TRPM5: variants seen among roughly 807,000 people sequenced by gnomAD.
The protein encoded by TRPM5 is transient receptor potential cation channel subfamily M member 5.
In TRPM5, 121 loss-of-function variants were observed where a neutral mutation model predicts 124.9. The ratio of observed to expected loss-of-function variants is 0.97; its 90% CI spans 0.84 to 1.13. TRPM5 has a LOEUF of 1.13. Among genes scored for constraint, TRPM5 ranks in the 50% most tolerant of loss-of-function variants. The probability of loss-of-function intolerance (pLI) is 0.00; values close to 1 mark genes in which losing one functional copy is unlikely to be tolerated. For synonymous variants in TRPM5, 781 were observed against 700.5 expected, an observed-to-expected ratio of 1.11 and a Z score of -1.81; for missense variants, 1,643 against 1,589.1, an observed-to-expected ratio of 1.03 and a Z score of -0.58.
At chr11:2,426,735 C>A (rs1845843462), upstream of TRPM5, among the ~76,000 whole-genome samples, 1 of 152,210 alleles carries the variant, frequency 6.6e-6, no homozygotes, top group Non-Finnish European at 1.5e-5. Flanking sequence ...CTCCCTGGGC[C>A]TGCCTCATTT....
the TRPM5 span, among the ~76,000 whole-genome samples, chr11:2,443,960 C>T: frequency 2.6e-5 from 4 of 152,270 alleles, no homozygotes; most frequent in East Asian, 1.9e-4. The surrounding 1 kb of genome is among the most constrained non-coding windows in gnomAD (Gnocchi z 5.0). Flanking sequence ...AGCGGCAGCG[C>T]GGTCTCGACG....
the TRPM5 span, among the ~76,000 whole-genome samples, chr11:2,436,039 G>A: frequency 6.6e-6 from 1 of 152,316 alleles, no homozygotes; most frequent in South Asian, 2.1e-4. Flanking sequence ...CACTATCCTC[G>A]AGGCCAGGAG....
At position 2,409,318 on chromosome 11, in the gene TRPM5, G is replaced by A. The variant is rs574499801; in HGVS notation, c.2783-1406C>T. On this transcript the variant is annotated intron_variant, in intron 18 of 23. Coordinates refer to ENST00000155858, the Ensembl canonical transcript of TRPM5. The stretch of plus-strand genomic sequence containing the variant: ...CCCTGCACTCTGGAGGAGCGGGCCG[G>A]GGCCAGCCTGGAGAGCCTGTTTGTG... 1.1e-3 allele frequency among the ~76,000 whole-genome samples: 160 copies of A among 152,242 alleles called. 1 individual carries two copies. The highest frequency in any genetic ancestry group is 1.8e-3 in the Admixed American group (27 of 15,296).
the TRPM5 span, among the ~76,000 whole-genome samples, chr11:2,434,370 GTGTC>G: frequency 2.0e-5 from 3 of 151,420 alleles, no homozygotes; most frequent in Admixed American, 6.6e-5. Context: ...TACACCGTGT[GTGTC>G]TGTGTGGATG....
At chr11:2,420,602 T>C (rs914928814) in intron 3 of TRPM5, among the ~76,000 whole-genome samples, 197 bp from the exon 9 acceptor site, 1 of 152,142 alleles carries the variant, frequency 6.6e-6, no homozygotes, top group African/African-American at 2.4e-5. Flanking sequence ...CCTTCGACAG[T>C]CAGGGGCAGG....
exon 2 of TRPM5, chr11:2,422,218 T>C: frequency 6.2e-7 from 1 of 1,612,264 alleles, no homozygotes. Flanking sequence ...AGGCTGCTCC[T>C]CACCCACCAG....
chr11:2,436,152 C>T, the TRPM5 span, among the ~76,000 whole-genome samples: 1 of 152,226 alleles, frequency 6.6e-6, no homozygotes, highest in Non-Finnish European at 1.5e-5. Context: ...AGTCATCCCA[C>T]CTCCTCCTCC....
chr11:2,406,101 G>C lies in TRPM5; in HGVS notation c.3252-10C>G, dbSNP rs771144476. 3 of 1,610,812 alleles carry C rather than the reference G, an allele frequency of 1.9e-6. No homozygotes were observed. The highest frequency in any genetic ancestry group is 1.7e-6 in the Non-Finnish European group (2 of 1,179,918). ...GGCAATGAAGTCCACTCTGCGGCAG[G>C]AGCAGGTGGTCAGGCTGTGGATGGC... is the stretch of plus-strand genomic sequence containing the variant. On this transcript the variant is annotated splice_polypyrimidine_tract_variant and intron_variant, in intron 21 of 23. Coordinates refer to ENST00000155858, the Ensembl canonical transcript of TRPM5.
intron 11 of TRPM5, 143 bp from the exon 17 acceptor site, chr11:2,414,349 C>A (rs1417295779): frequency 8.1e-7 from 1 of 1,237,824 alleles, no homozygotes; most frequent in East Asian, 2.6e-5. Flanking sequence ...GGCCTTCTGC[C>A]CCCTCCGGCC....
chr11:2,418,145 CA>C, intron 6 of TRPM5, 21 bp downstream of exon 11: 1 of 1,528,230 alleles, frequency 6.5e-7, no homozygotes, highest in Non-Finnish European at 8.9e-7. Context: ...GTCGGGAGGA[CA>C]GGGGAGGGGG....
At chr11:2,421,251 G>T (rs1845768913) in intron 2 of TRPM5, 53 bp from the exon 8 acceptor site, 2 of 1,510,078 alleles carry the variant, frequency 1.3e-6, no homozygotes, top group East Asian at 2.6e-5. Context: ...GTCTTCCCTA[G>T]CTGGCCCCAC....
exon 15 of TRPM5, chr11:2,413,011 C>A: frequency 1.9e-6 from 3 of 1,601,934 alleles, no homozygotes; most frequent in African/African-American, 1.3e-5. Flanking sequence ...AGCTCCTCCA[C>A]CCTGTGCCGC....
chr11:2,421,051 C>T (rs1371860405), exon 3 of TRPM5: 4 of 1,545,446 alleles, frequency 2.6e-6, no homozygotes, highest in Non-Finnish European at 3.5e-6. Context: ...CTCCAGAATG[C>T]GGCGGTGCAG....
chr11:2,437,101 G>A, the TRPM5 span, among the ~76,000 whole-genome samples: 1 of 152,216 alleles, frequency 6.6e-6, no homozygotes, highest in African/African-American at 2.4e-5. This position sits in a 1 kb window ranked among gnomAD's most constrained non-coding sequence, Gnocchi z 5.6. Flanking sequence ...CTGCTTTAAG[G>A]CTGCCTGTCT....
At chr11:2,414,009 G>GGGGGGCGCCCCC in intron 12 of TRPM5, 52 bp downstream of exon 17, 1 of 1,023,734 alleles carries the variant, frequency 9.8e-7, no homozygotes, top group Non-Finnish European at 1.4e-6. Context: ...GGCCCAGCTC[G>GGGGGGCGCCCCC]CCCGCCCACC....
At chr11:2,440,128 C>T in the TRPM5 span, among the ~76,000 whole-genome samples, 1 of 150,496 alleles carries the variant, frequency 6.6e-6, no homozygotes, top group Non-Finnish European at 1.5e-5. This position sits in a 1 kb window ranked among gnomAD's most constrained non-coding sequence, Gnocchi z 5.2. Context: ...AAAGTGGGAA[C>T]TAAATGATGG....
chr11:2,405,508 G>A lies in TRPM5; in HGVS notation c.3391+19C>T, dbSNP rs777232917. On this transcript the variant is annotated intron_variant, in intron 23 of 23. Coordinates refer to ENST00000155858, the Ensembl canonical transcript of TRPM5. ...GTGCCCATGCCCACCCTCATCCCAC[G>A]CTCCCCAAACAGGCTTACTCCGGGG... 2.1e-5 allele frequency: 33 copies of A among 1,552,488 alleles called. No individual in the cohort carries two copies. The highest frequency in any genetic ancestry group is 1.7e-4 in the Middle Eastern group (1 of 6,012).
chr11:2,428,374 G>T, the TRPM5 span, among the ~76,000 whole-genome samples: 33 of 152,316 alleles, frequency 2.2e-4, no homozygotes, highest in Non-Finnish European at 3.7e-4. This position sits in a 1 kb window ranked among gnomAD's most constrained non-coding sequence, Gnocchi z 4.0. Flanking sequence ...AGTCTGGCCT[G>T]TCAGCCACCA....
chr11:2,415,955 C>A, exon 8 of TRPM5: 1 of 1,581,272 alleles, frequency 6.3e-7, no homozygotes, highest in Non-Finnish European at 8.6e-7. Context: ...GATGTCCACG[C>A]GGTCCCAGGC....
Sources: allele counts gnomAD v4.1 joint callset (sites outside exome capture counted in the v4.1 genomes callset), GRCh38; gene constraint gnomAD v4.1.1; non-coding constraint Gnocchi (gnomAD v3.1); transcripts MANE v1.5; gene names NCBI Gene and HGNC (gene_info 2026-07-23, HGNC 2026-07-21).